Variants in AKT3 observed in about 807,000 individuals in gnomAD.
The protein encoded by AKT3 is AKT serine/threonine kinase 3, also known as RAC-gamma serine/threonine-protein kinase.
Under a neutral mutation model 65.3 loss-of-function variants are expected in AKT3, and 15 were observed. The ratio of observed to expected loss-of-function variants is 0.23; its 90% confidence interval spans 0.15 to 0.35. The LOEUF (loss-of-function observed/expected upper bound fraction) is 0.35, where lower values mean the gene tolerates loss of function less well. Among genes scored for constraint, AKT3 ranks in the 10% least tolerant of loss-of-function variants. The probability of loss-of-function intolerance (pLI) is 1.00; values close to 1 mark genes in which losing one functional copy is unlikely to be tolerated. For missense variants in AKT3, 243 were observed against 576.5 expected, an observed-to-expected ratio of 0.42 and a Z score of 5.92; for synonymous variants, 206 against 183.8, an observed-to-expected ratio of 1.12 and a Z score of -0.98.
chr1:243,816,030 C>A (rs1693499228), intron 2 of AKT3, among the ~76,000 whole-genome samples: 1 of 152,126 alleles, frequency 6.6e-6, no homozygotes, highest in Admixed American at 6.5e-5. Context: ...GGTGGTTCTG[C>A]ACCAGGGTCT....
intron 2 of AKT3, among the ~76,000 whole-genome samples, chr1:243,750,749 T>G (rs1198031093): frequency 6.6e-6 from 1 of 151,858 alleles, no homozygotes; most frequent in Non-Finnish European, 1.5e-5. Context: ...ACCTGGCTAA[T>G]TTTGGTATTT....
chr1:243,599,213 CA>C (rs1289747129), intron 8 of AKT3, among the ~76,000 whole-genome samples: 1 of 151,884 alleles, frequency 6.6e-6, no homozygotes, highest in Non-Finnish European at 1.5e-5. Flanking sequence ...ACCTGCACTA[CA>C]AAAACAAATG....
rs370996342 is a variant in AKT3, at chr1:243,608,436, G to A, written c.696+5235C>T. Among the ~76,000 whole-genome samples the A allele has an allele frequency of 2.5e-3, 388 of 152,254 alleles. 2 individuals carry two copies. The highest frequency in any genetic ancestry group is 8.8e-3 in the African/African-American group (365 of 41,528). On this transcript the variant is annotated intron_variant, in intron 8 of 13. Coordinates refer to ENST00000673466, the MANE Select transcript of AKT3 (RefSeq NM_005465.7). Reference sequence around the variant, plus strand: ...TAAGCATAAATTGAGTAAAAATTGGGCTAGTTATTTCAGCGAGGCCACTAA... The same window carrying A: ...TAAGCATAAATTGAGTAAAAATTGGACTAGTTATTTCAGCGAGGCCACTAA...
intron 12 of AKT3, among the ~76,000 whole-genome samples, chr1:243,516,653 G>A (rs981801493): frequency 7.9e-5 from 12 of 151,868 alleles, no homozygotes; most frequent in South Asian, 2.1e-4. Flanking sequence ...TCCTGGCCTC[G>A]AGCAATCCTC....
At chr1:243,828,579 G>A (rs553508738) in intron 2 of AKT3, among the ~76,000 whole-genome samples, 1 of 152,086 alleles carries the variant, frequency 6.6e-6, no homozygotes, top group Non-Finnish European at 1.5e-5. Context: ...AGACATCAAG[G>A]ATGAAGACCT....
chr1:243,653,994 C>T (rs1363056925), intron 4 of AKT3, among the ~76,000 whole-genome samples: 1 of 151,892 alleles, frequency 6.6e-6, no homozygotes, highest in Non-Finnish European at 1.5e-5. Context: ...TTTTAATTTT[C>T]CTGTTGGCTT....
intron 8 of AKT3, among the ~76,000 whole-genome samples, chr1:243,586,281 G>T (rs1235797979): frequency 2.0e-5 from 3 of 152,136 alleles, no homozygotes; most frequent in Non-Finnish European, 4.4e-5. Context: ...GGGGATGCTT[G>T]TAACACTGTT....
intron 12 of AKT3, among the ~76,000 whole-genome samples, chr1:243,521,252 T>C (rs552635216): frequency 2.6e-5 from 4 of 152,336 alleles, no homozygotes; most frequent in African/African-American, 9.6e-5. Flanking sequence ...CCAGTGAACA[T>C]AGATGTTTGC....
At chr1:243,514,343 C>CCTAT (rs1015621703) in intron 12 of AKT3, among the ~76,000 whole-genome samples, 1 of 152,118 alleles carries the variant, frequency 6.6e-6, no homozygotes, top group African/African-American at 2.4e-5. Flanking sequence ...CAAACTGAAA[C>CCTAT]CTATCTTAAC....
chr1:243,789,157 C>T (rs536341524), intron 2 of AKT3, among the ~76,000 whole-genome samples: 52 of 152,176 alleles, frequency 3.4e-4, no homozygotes, highest in Non-Finnish European at 5.3e-4. Flanking sequence ...GCAGGAGGAT[C>T]GCCTGAAGCG....
At chr1:243,824,346 A>T (rs1694031984) in intron 2 of AKT3, among the ~76,000 whole-genome samples, 1 of 152,196 alleles carries the variant, frequency 6.6e-6, no homozygotes, top group Non-Finnish European at 1.5e-5. Flanking sequence ...GGACACAGGC[A>T]TGGGCAAACT....
chr1:243,622,549 T>G (rs1678835622), intron 6 of AKT3, among the ~76,000 whole-genome samples: 1 of 152,240 alleles, frequency 6.6e-6, no homozygotes, highest in Non-Finnish European at 1.5e-5. Flanking sequence ...GAGCAGTACC[T>G]AGCAAATAAT....
At chr1:243,669,953 T>G (rs1449568032) in intron 3 of AKT3, among the ~76,000 whole-genome samples, 1 of 152,176 alleles carries the variant, frequency 6.6e-6, no homozygotes, top group Non-Finnish European at 1.5e-5. Flanking sequence ...ATGACATATA[T>G]GAAATGTCAG....
intron 6 of AKT3, among the ~76,000 whole-genome samples, chr1:243,624,365 A>G (rs1678992750): frequency 1.3e-5 from 2 of 152,224 alleles, no homozygotes; most frequent in Admixed American, 1.3e-4. Flanking sequence ...TCCACTGGTA[A>G]CGTGTACTTT....
intron 8 of AKT3, among the ~76,000 whole-genome samples, chr1:243,579,191 T>C (rs966247306): frequency 1.3e-5 from 2 of 152,032 alleles, no homozygotes; most frequent in African/African-American, 4.8e-5. Flanking sequence ...AGAGGAGCAA[T>C]GGGTTTTATT....
intron 13 of AKT3, among the ~76,000 whole-genome samples, chr1:243,491,844 G>A (rs1462689393): frequency 2.0e-5 from 3 of 152,176 alleles, no homozygotes; most frequent in Admixed American, 1.3e-4. Flanking sequence ...CCTCATGTCC[G>A]GGTTAGAGAT....
downstream of AKT3, among the ~76,000 whole-genome samples, chr1:243,496,327 C>T (rs933551020): frequency 6.6e-6 from 1 of 152,188 alleles, no homozygotes; most frequent in African/African-American, 2.4e-5. Context: ...GTGCCCAGAA[C>T]ACGAGGCGGA....
intron 2 of AKT3, among the ~76,000 whole-genome samples, chr1:243,800,534 A>G (rs1692318034): frequency 6.6e-6 from 1 of 152,178 alleles, no homozygotes; most frequent in African/African-American, 2.4e-5. Context: ...CCTGGCCAAC[A>G]TGGTGAAACC....
chr1:243,772,274 T>G (rs1039430604), intron 2 of AKT3, among the ~76,000 whole-genome samples: 1 of 151,932 alleles, frequency 6.6e-6, no homozygotes, highest in South Asian at 2.1e-4. Flanking sequence ...GGGAGAAAAT[T>G]TTTGCAATCT....
Sources: allele counts gnomAD v4.1 joint callset (sites outside exome capture counted in the v4.1 genomes callset), GRCh38; gene constraint gnomAD v4.1.1; transcripts MANE v1.5; gene names NCBI Gene and HGNC (gene_info 2026-07-23, HGNC 2026-07-21).